BAZ2B: variants seen among roughly 807,000 people sequenced by gnomAD.
BAZ2B encodes bromodomain adjacent to zinc finger domain 2B, also known as bromodomain adjacent to zinc finger domain protein 2B.
Under a neutral mutation model 246.0 loss-of-function variants are expected in BAZ2B, and 91 were observed. That is an observed-to-expected ratio of 0.37 (90% CI 0.31 to 0.44). The LOEUF (loss-of-function observed/expected upper bound fraction) is 0.44. BAZ2B is among the 20% of genes least tolerant of loss of function. The pLI is 1.00. For synonymous variants in BAZ2B, 855 were observed against 860.0 expected (o/e 0.99, Z 0.10); for missense variants, 2,332 against 2,533.7 (o/e 0.92, Z 1.71).
the BAZ2B span, among the ~76,000 whole-genome samples, chr2:159,695,926 C>T: frequency 2.6e-5 from 4 of 151,496 alleles, no homozygotes; most frequent in African/African-American, 9.7e-5. Context: ...CTGGCTGAGT[C>T]CTTTTGTTTG....
At chr2:159,643,876 CAAAA>C in the BAZ2B span, among the ~76,000 whole-genome samples, 2 of 65,884 alleles carry the variant, frequency 3.0e-5, no homozygotes, top group African/African-American at 6.0e-5. Context: ...AACTCCATCA[CAAAA>C]AAAAAAAAAA....
At chr2:159,514,456 C>CTAT (rs1559664984) in intron 2 of BAZ2B, among the ~76,000 whole-genome samples, 2 of 152,104 alleles carry the variant, frequency 1.3e-5, no homozygotes, top group African/African-American at 4.8e-5. Context: ...CTTTATAATG[C>CTAT]TATTGCCTGT....
intron 14 of BAZ2B, among the ~76,000 whole-genome samples, chr2:159,410,368 G>A (rs1484069831): frequency 6.6e-6 from 1 of 152,190 alleles, no homozygotes; most frequent in African/African-American, 2.4e-5. Context: ...TAATCCCCAC[G>A]TGTCAAAGGA....
At chr2:159,351,585 A>G (rs1410802683) in intron 27 of BAZ2B, among the ~76,000 whole-genome samples, 1 of 152,186 alleles carries the variant, frequency 6.6e-6, no homozygotes, top group Non-Finnish European at 1.5e-5. Context: ...AAAGTAACTG[A>G]GAGCATCTGT....
At chr2:159,696,776 G>GT in the BAZ2B span, among the ~76,000 whole-genome samples, 2 of 152,100 alleles carry the variant, frequency 1.3e-5, no homozygotes, top group African/African-American at 2.4e-5. Flanking sequence ...TATATGCAGT[G>GT]TTTTTTTGTT....
chr2:159,631,032 A>G, the BAZ2B span, among the ~76,000 whole-genome samples: 4 of 152,044 alleles, frequency 2.6e-5, no homozygotes, highest in African/African-American at 4.8e-5. Context: ...CAACTTTACA[A>G]AAAAATTTTA....
chr2:159,666,316 AT>A, the BAZ2B span, among the ~76,000 whole-genome samples: 7 of 143,660 alleles, frequency 4.9e-5, no homozygotes, highest in African/African-American at 1.8e-4. Context: ...CTAGAGTGCA[AT>A]GGCCCAATTT....
chr2:159,630,257 A>C, the BAZ2B span, among the ~76,000 whole-genome samples: 4 of 152,214 alleles, frequency 2.6e-5, no homozygotes, highest in African/African-American at 9.6e-5. Flanking sequence ...CAGGAGTTCA[A>C]GGCTGCAGTG....
chr2:159,483,015 G>T (rs1196373694), intron 2 of BAZ2B, among the ~76,000 whole-genome samples: 1 of 151,950 alleles, frequency 6.6e-6, no homozygotes, highest in Non-Finnish European at 1.5e-5. Context: ...TTTCATCTTG[G>T]GTTCCAAATG....
chr2:159,346,520 C>T (rs979686800), intron 31 of BAZ2B, among the ~76,000 whole-genome samples: 2 of 152,012 alleles, frequency 1.3e-5, no homozygotes, highest in African/African-American at 4.8e-5. Context: ...GCCTGGCCAA[C>T]GTGGCAAAAC....
chr2:159,701,117 T>C, the BAZ2B span, among the ~76,000 whole-genome samples: 3 of 152,180 alleles, frequency 2.0e-5, no homozygotes, highest in Admixed American at 6.5e-5. Context: ...TCATAAAAAC[T>C]ACAGAATAAA....
At chr2:159,671,710 T>A in the BAZ2B span, among the ~76,000 whole-genome samples, 7 of 152,186 alleles carry the variant, frequency 4.6e-5, no homozygotes, top group African/African-American at 1.7e-4. Flanking sequence ...TAATCTGATA[T>A]ATTTATATAA....
At chr2:159,620,541 G>GGCAACTAATTCTC (rs1297750190), upstream of BAZ2B, among the ~76,000 whole-genome samples, 15 of 152,268 alleles carry the variant, frequency 9.9e-5, no homozygotes, top group Non-Finnish European at 1.6e-4. Flanking sequence ...CTCACTGAGA[G>GGCAACTAATTCTC]ACTAGAAAAG....
At chr2:159,392,833 T>C (rs1462579240) in intron 20 of BAZ2B, among the ~76,000 whole-genome samples, 2 of 152,202 alleles carry the variant, frequency 1.3e-5, no homozygotes, top group African/African-American at 4.8e-5. Context: ...ACGAATTCAA[T>C]AGGCAATTTC....
At chr2:159,617,594 TAAGC>T (rs1490236938), upstream of BAZ2B, among the ~76,000 whole-genome samples, 1 of 152,150 alleles carries the variant, frequency 6.6e-6, no homozygotes, top group Non-Finnish European at 1.5e-5. Flanking sequence ...AAGTAAAAAT[TAAGC>T]TATCGGAGAA....
At chr2:159,538,507 T>C (rs2151372117) in intron 2 of BAZ2B, among the ~76,000 whole-genome samples, 1 of 152,352 alleles carries the variant, frequency 6.6e-6, no homozygotes, top group East Asian at 1.9e-4. Context: ...ATTTTCTCTA[T>C]GGTCATGTTG....
At position 159,425,220 on chromosome 2, in the gene BAZ2B, G is replaced by A. The variant is rs534106947; in HGVS notation, c.2466+2721C>T. Among the ~76,000 whole-genome samples the A allele has an allele frequency of 5.5e-3, 844 of 152,164 alleles. 1 individual carries two copies. The highest frequency in any genetic ancestry group is 9.9e-3 in the Non-Finnish European group (671 of 67,994). The stretch of plus-strand genomic sequence containing the variant: ...TTTTTAGATGGAGTCTCACTCTGTC[G>A]CCCAGGCTGGAGTGCAGTGGCCTGA... On this transcript the variant is annotated intron_variant, in intron 13 of 36. Coordinates refer to ENST00000392783, the MANE Select transcript of BAZ2B (RefSeq NM_013450.4).
At chr2:159,520,402 T>A (rs1457691817) in intron 2 of BAZ2B, among the ~76,000 whole-genome samples, 1 of 152,130 alleles carries the variant, frequency 6.6e-6, no homozygotes, top group Non-Finnish European at 1.5e-5. Flanking sequence ...CAGACTCTAC[T>A]TGAAGGGCCC....
intron 3 of BAZ2B, among the ~76,000 whole-genome samples, chr2:159,455,476 A>G (rs1478212365): frequency 1.3e-5 from 2 of 152,140 alleles, no homozygotes; most frequent in Non-Finnish European, 2.9e-5. Context: ...GTGCTCCACT[A>G]CAACAAAGCA....
Sources: gnomAD v4.1 joint callset for allele counts (sites outside exome capture counted in the v4.1 genomes callset) on GRCh38, gnomAD v4.1.1 for gene constraint, MANE v1.5 for transcripts, NCBI Gene and HGNC (gene_info 2026-07-23, HGNC 2026-07-21) for gene names.